Variants in ARHGAP39 observed in about 807,000 individuals in gnomAD.
ARHGAP39 encodes the protein rho GTPase-activating protein 39.
ARHGAP39 carries 44 observed loss-of-function variants against 106.9 expected under a neutral mutation model. The observed-to-expected ratio is 0.41, with a 90% CI of 0.32 to 0.53. The LOEUF (loss-of-function observed/expected upper bound fraction) is 0.53. Among genes scored for constraint, ARHGAP39 ranks in the 20% least tolerant of loss-of-function variants. The pLI, the probability that ARHGAP39 is intolerant of heterozygous loss-of-function variation, is 0.21. For missense variants in ARHGAP39, 1,496 were observed against 1,577.3 expected (o/e 0.95, Z 0.87); for synonymous variants, 768 against 693.2 (o/e 1.11, Z -1.69).
intron 1 of ARHGAP39, among the ~76,000 whole-genome samples, chr8:144,628,939 C>T (rs936369875): frequency 2.4e-4 from 37 of 152,188 alleles, no homozygotes; most frequent in African/African-American, 8.2e-4. Context: ...ATCACTTTTG[C>T]GCCCGGGAGG....
At chr8:144,636,322 G>A (rs552739392) in intron 1 of ARHGAP39, among the ~76,000 whole-genome samples, 17 of 152,334 alleles carry the variant, frequency 1.1e-4, no homozygotes, top group Admixed American at 5.9e-4. Context: ...TGGAGGATTA[G>A]CAATTAAGAG....
chr8:144,699,135 G>A, the ARHGAP39 span: 12 of 308,128 alleles, frequency 3.9e-5, no homozygotes, highest in Non-Finnish European at 6.3e-5. Context: ...GCAGGGGGTG[G>A]GGACTGTAAG....
chr8:144,603,113 G>A (rs1384537187), intron 2 of ARHGAP39, among the ~76,000 whole-genome samples: 21 of 145,874 alleles, frequency 1.4e-4, no homozygotes, highest in South Asian at 4.5e-4. Flanking sequence ...ATCTGTGTGC[G>A]TGGAGGCGTG....
rs114193545 is a variant in ARHGAP39, at chr8:144,546,873, G to C, written c.1959+254C>G. ...GTCAGGGTGTGGCCTCCAGCTCCCA[G>C]GTGCCCCCAGGATGAGGAAGGCACT... is the stretch of plus-strand genomic sequence containing the variant. On this transcript the variant is annotated intron_variant, in intron 5 of 11. Coordinates refer to ENST00000377307, the MANE Select transcript of ARHGAP39 (RefSeq NM_025251.3). Among the ~76,000 whole-genome samples, 1,594 of 152,292 alleles carry C rather than the reference G, an allele frequency of 0.01. 32 individuals carry two copies. The highest frequency in any genetic ancestry group is 0.037 in the African/African-American group (1,519 of 41,564).
At chr8:144,582,711 G>C (rs1433413460) in intron 2 of ARHGAP39, among the ~76,000 whole-genome samples, 1 of 152,150 alleles carries the variant, frequency 6.6e-6, no homozygotes, top group Non-Finnish European at 1.5e-5. Context: ...GGGTGGGACT[G>C]GGCCTGAGTG....
intron 3 of ARHGAP39, among the ~76,000 whole-genome samples, chr8:144,559,172 C>T (rs911018380): frequency 2.6e-5 from 4 of 151,902 alleles, no homozygotes; most frequent in Non-Finnish European, 5.9e-5. Context: ...TGCACCACTA[C>T]ACTCCAGCCT....
intron 1 of ARHGAP39, among the ~76,000 whole-genome samples, chr8:144,662,263 T>C (rs958566936): frequency 2.7e-5 from 4 of 149,286 alleles, no homozygotes; most frequent in African/African-American, 1.0e-4. Context: ...TCCTCCCCAT[T>C]ATCCACCTTG....
intron 3 of ARHGAP39, among the ~76,000 whole-genome samples, chr8:144,556,493 A>AT (rs1416489528): frequency 6.6e-6 from 1 of 152,232 alleles, no homozygotes; most frequent in Non-Finnish European, 1.5e-5. Context: ...ACTTAATCTG[A>AT]TTAAGAATAT....
At chr8:144,560,260 C>T (rs991591373) in intron 3 of ARHGAP39, among the ~76,000 whole-genome samples, 33 of 152,074 alleles carry the variant, frequency 2.2e-4, no homozygotes, top group African/African-American at 7.7e-4. Context: ...ATGGTGAAAC[C>T]CCCGTCTCTA....
rs1464653412 is a variant in ARHGAP39 at position 144,530,712 on chromosome 8, C to T, written c.3140G>A (p.Arg1047His). 6 of 1,601,350 alleles carry T rather than the reference C, an allele frequency of 3.7e-6. No individual in the cohort carries two copies. Among genetic ancestry groups the T allele is most frequent in the Non-Finnish European group, 4.3e-6 (5 of 1,172,946 alleles). ...CGGGGAGGGAAGTACCTGCAGGAAG[C>T]GGATGAGGTAGCACAGCACCATGCG... ...INRMVLCYLIRFLQVFVQPAN... is the reference protein window; with the variant it reads ...INRMVLCYLIHFLQVFVQPAN... The change falls in exon 11 of 12, where the codon CGC (arginine) becomes CAC (histidine). Residue 1047 changes from arginine (R) to histidine (H), a missense_variant. Transcript: ENST00000377307.
chr8:144,602,613 T>G (rs1209860162), intron 2 of ARHGAP39, among the ~76,000 whole-genome samples: 3 of 134,196 alleles, frequency 2.2e-5, no homozygotes, highest in Non-Finnish European at 4.8e-5. Context: ...CGAGCTCATG[T>G]ACCTGTGTGT....
Position 144,547,486 on chromosome 8 carries a change from C to T in ARHGAP39, c.1600G>A (p.Ala534Thr), listed in dbSNP as rs758906504. Residue 534 changes from alanine (A) to threonine (T), a missense_variant, in exon 5 of 12, where the codon GCC becomes ACC. Transcript: ENST00000377307. The surrounding 1 kb of genome is among the most constrained non-coding windows in gnomAD (Gnocchi z 5.2). ...TCACCTTCCGCTCGCTTCACGGGGG[C>T]GAGGCTGGTCCCGCACGGGGGCTGT... ...EEQPPCGTSL[A>T]PVKRAEGEAE... The T allele has an allele frequency of 1.5e-5, 23 of 1,526,174 alleles. No homozygotes were observed. The highest frequency in any genetic ancestry group is 1.8e-5 in the Non-Finnish European group (20 of 1,140,786). 94.5% of individuals were successfully genotyped at this position (1,526,174 alleles called of 1,614,324 possible).
chr8:144,685,573 G>A (rs2129784867), intron 1 of ARHGAP39, among the ~76,000 whole-genome samples, 113 bp downstream of exon 1: 1 of 148,722 alleles, frequency 6.7e-6, no homozygotes, highest in South Asian at 2.1e-4. Flanking sequence ...TCCTTGCGCT[G>A]CCGGGCCTGG....
At chr8:144,609,102 G>T (rs1183111868) in intron 1 of ARHGAP39, among the ~76,000 whole-genome samples, 2 of 152,346 alleles carry the variant, frequency 1.3e-5, no homozygotes, top group South Asian at 2.1e-4. Context: ...CAATTAGTAA[G>T]AGTGAACATA....
chr8:144,668,345 G>A (rs1027503540), intron 1 of ARHGAP39, among the ~76,000 whole-genome samples: 1 of 152,192 alleles, frequency 6.6e-6, no homozygotes, highest in Non-Finnish European at 1.5e-5. Flanking sequence ...GGAGGCTGAG[G>A]TGGGAGGAGA....
intron 3 of ARHGAP39, among the ~76,000 whole-genome samples, chr8:144,556,313 C>G (rs556645581): frequency 0.01 from 1,555 of 151,250 alleles, 30 homozygotes; most frequent in African/African-American, 0.036. Context: ...AAAGAAATAC[C>G]CTTGGAGACT....
At chr8:144,619,790 G>A (rs1454409554) in intron 1 of ARHGAP39, among the ~76,000 whole-genome samples, 1 of 150,580 alleles carries the variant, frequency 6.6e-6, no homozygotes, top group Admixed American at 6.6e-5. Flanking sequence ...GTGTCCGAGA[G>A]AGCGCGTGCC....
At chr8:144,694,904 C>T in the ARHGAP39 span, among the ~76,000 whole-genome samples, 9 of 151,946 alleles carry the variant, frequency 5.9e-5, no homozygotes, top group Non-Finnish European at 1.3e-4. Flanking sequence ...AGAGTACAAT[C>T]GATCAGCACC....
intron 1 of ARHGAP39, among the ~76,000 whole-genome samples, chr8:144,654,433 G>C (rs1821646981): frequency 6.6e-6 from 1 of 152,182 alleles, no homozygotes; most frequent in Non-Finnish European, 1.5e-5. Context: ...GACCCTGGGA[G>C]GTGGAGGCTG....
Sources: gnomAD v4.1 joint callset for allele counts (sites outside exome capture counted in the v4.1 genomes callset) on GRCh38, gnomAD v4.1.1 for gene constraint, Gnocchi (gnomAD v3.1) non-coding constraint, MANE v1.5 for transcripts, NCBI Gene and HGNC (gene_info 2026-07-23, HGNC 2026-07-21) for gene names.